SMG6: variants seen among roughly 807,000 people sequenced by gnomAD.
SMG6 encodes telomerase-binding protein EST1A.
Under a neutral mutation model 142.2 loss-of-function variants are expected in SMG6, and 66 were observed. The observed-to-expected ratio is 0.46, with a 90% CI of 0.38 to 0.57. The LOEUF (loss-of-function observed/expected upper bound fraction) is 0.57. Ranked by LOEUF, SMG6 falls within the 20% of genes least tolerant of loss-of-function variation. SMG6 has a pLI of 0.00. For missense variants in SMG6, 1,793 were observed against 1,832.0 expected (o/e 0.98, Z 0.39); for synonymous variants, 779 against 702.4 (o/e 1.11, Z -1.72).
At chr17:2,114,959 T>TAAAATAAAATAAA (rs1491429098) in intron 13 of SMG6, among the ~76,000 whole-genome samples, 8,777 of 69,304 alleles carry the variant, frequency 0.13, 1,093 homozygotes, top group African/African-American at 0.15. Context: ...AATAAAAAAA[T>TAAAATAAAATAAA]GAAATGAAAT....
In SMG6 at chr17:2,065,448, T is replaced by C. The variant is rs148948007; in HGVS notation, c.4047+20A>G. ...CTGGAAGCTGGCTGTGGGCTTTCCC[T>C]TCCTGCCACAGGGTCTCACCAGCTG... On this transcript the variant is annotated intron_variant, in intron 17 of 18. Coordinates refer to ENST00000263073, the MANE Select transcript of SMG6 (RefSeq NM_017575.5). The C allele has an allele frequency of 8.2e-5, 131 of 1,606,828 alleles. No homozygotes were observed. In the African/African-American group the frequency reaches 1.7e-3, roughly 21 times the overall value.
chr17:2,217,807 G>A (rs1038592647), intron 10 of SMG6, among the ~76,000 whole-genome samples: 4 of 151,874 alleles, frequency 2.6e-5, no homozygotes, highest in African/African-American at 7.3e-5. Context: ...TCAGGAGATC[G>A]AGACGATCCT....
intron 13 of SMG6, among the ~76,000 whole-genome samples, chr17:2,094,368 A>G (rs968486484): frequency 2.6e-5 from 4 of 152,046 alleles, no homozygotes; most frequent in Non-Finnish European, 5.9e-5. Flanking sequence ...CTTCCTAAGT[A>G]GCTGGGGCTA....
intron 13 of SMG6, among the ~76,000 whole-genome samples, chr17:2,130,012 C>T (rs1316725982): frequency 6.6e-6 from 1 of 151,632 alleles, no homozygotes; most frequent in Non-Finnish European, 1.5e-5. Flanking sequence ...GTAATCCCAG[C>T]ACTTTGGGAG....
chr17:2,159,895 C>A (rs2071121799), intron 13 of SMG6, among the ~76,000 whole-genome samples: 1 of 152,044 alleles, frequency 6.6e-6, no homozygotes, highest in Non-Finnish European at 1.5e-5. Flanking sequence ...TGCTGAGTGA[C>A]AAAACAAAGA....
chr17:2,280,032 GT>G, intron 8 of SMG6, among the ~76,000 whole-genome samples: 1 of 152,144 alleles, frequency 6.6e-6, no homozygotes, highest in Non-Finnish European at 1.5e-5. Context: ...ACGTGACCAA[GT>G]GCTCTTTGAG....
At chr17:2,143,040 C>T (rs2070538068) in intron 13 of SMG6, among the ~76,000 whole-genome samples, 1 of 152,004 alleles carries the variant, frequency 6.6e-6, no homozygotes, top group South Asian at 2.1e-4. Context: ...ACTTCACACA[C>T]ACTAGGATGG....
intron 10 of SMG6, among the ~76,000 whole-genome samples, chr17:2,220,383 G>T (rs1452139230): frequency 6.6e-6 from 1 of 152,164 alleles, no homozygotes; most frequent in Non-Finnish European, 1.5e-5. Context: ...GTAATCCCAA[G>T]ACTTTGGGAG....
intron 13 of SMG6, among the ~76,000 whole-genome samples, chr17:2,165,508 C>T (rs1353526689): frequency 6.6e-6 from 1 of 152,214 alleles, no homozygotes; most frequent in South Asian, 2.1e-4. Context: ...GCACTTTATC[C>T]TTACTGGTTG....
At chr17:2,239,158 A>C (rs2151812156) in intron 9 of SMG6, among the ~76,000 whole-genome samples, 1 of 152,346 alleles carries the variant, frequency 6.6e-6, no homozygotes, top group East Asian at 1.9e-4. Flanking sequence ...ATGGACACGT[A>C]CGTAAGTATG....
intron 13 of SMG6, among the ~76,000 whole-genome samples, chr17:2,095,613 C>G (rs1000010819): frequency 6.6e-6 from 1 of 152,090 alleles, no homozygotes; most frequent in Non-Finnish European, 1.5e-5. Context: ...CATCAACAGA[C>G]CCCCTGCATC....
Position 2,236,526 on chromosome 17 carries a change from G to C in SMG6, c.2835C>G (p.Ile945Met). The C allele has an allele frequency of 6.2e-7, 1 of 1,613,164 alleles. No individual in the cohort carries two copies. Among genetic ancestry groups the C allele is most frequent in the South Asian group, 1.1e-5 (1 of 90,746 alleles). The change falls in exon 10 of 19, where the codon ATC becomes ATG. Residue 945 changes from isoleucine to methionine, a missense_variant. By Grantham distance (10) the Ile-to-Met change is conservative (BLOSUM62 1). Coordinates refer to ENST00000263073, the MANE Select transcript of SMG6 (RefSeq NM_017575.5). ...GSTRMLQLMT[I>M]NMFAVHNSQL... ...GGGAGTTGTGTACTGCAAACATATTGATGGTCATAAGCTGCAGCATGCGGG... is the reference window on the plus strand; with the variant it reads ...GGGAGTTGTGTACTGCAAACATATTCATGGTCATAAGCTGCAGCATGCGGG...
At chr17:2,277,433 T>C (rs1305083706) in intron 8 of SMG6, among the ~76,000 whole-genome samples, 1 of 152,110 alleles carries the variant, frequency 6.6e-6, no homozygotes, top group Non-Finnish European at 1.5e-5. Flanking sequence ...CCTAAAGAGC[T>C]GGGATTACAG....
At chr17:2,219,845 A>C (rs2073125321) in intron 10 of SMG6, among the ~76,000 whole-genome samples, 1 of 151,990 alleles carries the variant, frequency 6.6e-6, no homozygotes, top group Non-Finnish European at 1.5e-5. Context: ...AAAAAGAAAA[A>C]ATAATCTAGC....
At chr17:2,076,687 C>A (rs2151418474) in intron 15 of SMG6, among the ~76,000 whole-genome samples, 1 of 152,204 alleles carries the variant, frequency 6.6e-6, no homozygotes, top group Admixed American at 6.5e-5. Flanking sequence ...GGGCCCCGGG[C>A]ATTAAAGCGG....
At chr17:2,301,633 G>T (rs964497302) in intron 1 of SMG6, among the ~76,000 whole-genome samples, 17 of 150,942 alleles carry the variant, frequency 1.1e-4, no homozygotes, top group African/African-American at 4.1e-4. Context: ...ACGAGGTCAG[G>T]AGATCGAGAC....
At chr17:2,159,731 G>C (rs921021183) in intron 13 of SMG6, among the ~76,000 whole-genome samples, 18 of 152,224 alleles carry the variant, frequency 1.2e-4, no homozygotes, top group African/African-American at 4.3e-4. Context: ...AATGTTCACA[G>C]TATCTTTTTC....
At chr17:2,179,918 A>T (rs906865396) in intron 12 of SMG6, among the ~76,000 whole-genome samples, 1 of 152,236 alleles carries the variant, frequency 6.6e-6, no homozygotes, top group Non-Finnish European at 1.5e-5. Flanking sequence ...AGCTGAAAGC[A>T]ATAAACCAAC....
At chr17:2,258,241 C>G (rs990998384) in intron 8 of SMG6, among the ~76,000 whole-genome samples, 3 of 151,882 alleles carry the variant, frequency 2.0e-5, no homozygotes, top group Admixed American at 2.0e-4. Flanking sequence ...AGCCTGAGCT[C>G]TTTATTTCTC....
Sources: allele counts gnomAD v4.1 joint callset (sites outside exome capture counted in the v4.1 genomes callset), GRCh38; gene constraint gnomAD v4.1.1; transcripts MANE v1.5; gene names NCBI Gene and HGNC (gene_info 2026-07-23, HGNC 2026-07-21).